The following SPAG7 variants were observed in gnomAD, a reference collection of about 807,000 sequenced individuals.
SPAG7 encodes the protein sperm associated antigen 7.
A neutral mutation model predicts 30.6 loss-of-function variants in SPAG7; 20 were observed. That is an observed-to-expected ratio of 0.65 (90% confidence interval 0.46 to 0.95). The LOEUF is 0.95. Ranked by LOEUF, SPAG7 falls within the 40% of genes least tolerant of loss-of-function variation. The pLI is 0.00. For missense variants in SPAG7, 276 were observed against 291.1 expected, an observed-to-expected ratio of 0.95 and a Z score of 0.38; for synonymous variants, 127 against 104.2, an observed-to-expected ratio of 1.22 and a Z score of -1.33.
intron 1 of SPAG7, chr17:4,966,396 C>G (rs1433213287): frequency 1.6e-5 from 3 of 191,452 alleles, no homozygotes; most frequent in Non-Finnish European, 2.9e-5. Flanking sequence ...AACCCTGCCA[C>G]TTACCAAACT....
intron 1 of SPAG7, among the ~76,000 whole-genome samples, chr17:4,962,670 G>A (rs1309518049): frequency 6.6e-6 from 1 of 151,960 alleles, no homozygotes; most frequent in Non-Finnish European, 1.5e-5. Context: ...TTTTGAGACG[G>A]AGTCTCACTC....
In SPAG7 at chr17:4,960,002, G is replaced by A. The variant is rs931648355; in HGVS notation, c.417+20C>T. ...AGGTGGTGGGCTTCTGGACCCCAAG[G>A]GCTGCAAAGCATAGCTCACCTTCAG... On this transcript the variant is annotated intron_variant, in intron 5 of 6. Transcript: ENST00000206020. 4.3e-6 allele frequency: 7 copies of A among 1,613,844 alleles called. No individual in the cohort carries two copies. Among genetic ancestry groups the A allele is most frequent in the South Asian group, 3.3e-5 (3 of 91,088 alleles).
chr17:4,966,898 C>G (rs111769233), intron 1 of SPAG7: 1 of 985,378 alleles, frequency 1.0e-6, no homozygotes, highest in African/African-American at 1.7e-5. Flanking sequence ...CAGGGCTCGT[C>G]CGTGGTCAAG....
chr17:4,967,682 C>T (rs1467768148), intron 1 of SPAG7, 38 bp downstream of exon 1: 9 of 1,507,936 alleles, frequency 6.0e-6, no homozygotes, highest in South Asian at 2.3e-5. Context: ...TCCCGAGAAC[C>T]GGGCGAAGGA....
chr17:4,964,852 C>T (rs1016600036), intron 1 of SPAG7, among the ~76,000 whole-genome samples: 3 of 152,150 alleles, frequency 2.0e-5, no homozygotes, highest in African/African-American at 2.4e-5. Context: ...TCTCATGCCT[C>T]AGCCTCCCGA....
chr17:4,967,419 C>A (rs955684347), intron 1 of SPAG7, among the ~76,000 whole-genome samples: 3 of 152,206 alleles, frequency 2.0e-5, no homozygotes, highest in Non-Finnish European at 2.9e-5. Flanking sequence ...AGGTTGGAGG[C>A]ACCCTACCAA....
Position 4,959,820 on chromosome 17 carries a change from C to T in SPAG7, c.514G>A (p.Gly172Ser), listed in dbSNP as rs777855184. 4.3e-6 allele frequency: 7 copies of T among 1,614,162 alleles called. No individual in the cohort carries two copies. Among genetic ancestry groups the T allele is most frequent in the South Asian group, 1.1e-5 (1 of 91,088 alleles). The change falls in exon 6 of 7, where the codon GGC becomes AGC. Residue 172 changes from glycine (G) to serine (S), a missense_variant. By Grantham distance (56) the Gly-to-Ser change is moderately conservative (BLOSUM62 0). Transcript: ENST00000206020. Reference protein sequence around the residue: ...DYKDKYSHLIGKGAAKDAAHM... With the variant: ...DYKDKYSHLISKGAAKDAAHM... ...GCTGCGTCTTTGGCTGCTCCCTTGC[C>T]GATGAGGTGGCTGTACTTGTCCTTG...
At chr17:4,964,122 C>T (rs1971908051) in intron 1 of SPAG7, among the ~76,000 whole-genome samples, 1 of 152,044 alleles carries the variant, frequency 6.6e-6, no homozygotes, top group Non-Finnish European at 1.5e-5. Context: ...TGAGTCCCCT[C>T]GCCTGGCTAA....
intron 1 of SPAG7, among the ~76,000 whole-genome samples, chr17:4,964,562 C>T (rs921064715): frequency 2.6e-5 from 4 of 151,674 alleles, no homozygotes; most frequent in African/African-American, 4.8e-5. Flanking sequence ...AAGGTTTCAC[C>T]GTTTTAGCCA....
At chr17:4,962,056 A>C (rs1971872655) in intron 1 of SPAG7, among the ~76,000 whole-genome samples, 1 of 152,206 alleles carries the variant, frequency 6.6e-6, no homozygotes, top group African/African-American at 2.4e-5. Flanking sequence ...GACAAAGATC[A>C]GAATAATGCT....
At chr17:4,967,637 AGGAG>A in intron 1 of SPAG7, 79 bp downstream of exon 1, 2 of 1,065,164 alleles carry the variant, frequency 1.9e-6, no homozygotes, top group Non-Finnish European at 2.9e-6. Context: ...TTCAAGGTTG[AGGAG>A]GCGGCATCGT....
intron 1 of SPAG7, among the ~76,000 whole-genome samples, chr17:4,961,731 C>G (rs1971866632): frequency 1.4e-5 from 2 of 143,784 alleles, no homozygotes; most frequent in Admixed American, 7.2e-5. Flanking sequence ...CGCCACTGCA[C>G]TCCAGCCTGG....
intron 1 of SPAG7, among the ~76,000 whole-genome samples, chr17:4,967,363 A>C (rs1393651856): frequency 6.6e-6 from 1 of 152,152 alleles, no homozygotes; most frequent in South Asian, 2.1e-4. Context: ...GCGTGTCCTA[A>C]ATCCAATCGA....
At chr17:4,965,105 T>C (rs1448833257) in intron 1 of SPAG7, among the ~76,000 whole-genome samples, 3 of 152,242 alleles carry the variant, frequency 2.0e-5, no homozygotes, top group African/African-American at 7.2e-5. Context: ...AGATGGGCTT[T>C]CTTCTCCATG....
Position 4,960,767 on chromosome 17 carries a change from T to C in SPAG7, c.153+19A>G, listed in dbSNP as rs760597554. The C allele has an allele frequency of 1.2e-6, 2 of 1,610,174 alleles. No homozygotes were observed. Among genetic ancestry groups the C allele is most frequent in the South Asian group, 2.2e-5 (2 of 90,990 alleles). ...AAGTCCTTCCTGAGTCTGCCTTTGA[T>C]CACTCCAGTTGTTCTCACCCTTTTA... On this transcript the variant is annotated intron_variant, in intron 2 of 6. Transcript: ENST00000206020.
chr17:4,964,913 C>A (rs1199620094), intron 1 of SPAG7, among the ~76,000 whole-genome samples: 4 of 129,646 alleles, frequency 3.1e-5, no homozygotes, highest in African/African-American at 1.2e-4. Context: ...TTTTTTTTTT[C>A]TTTTTCTTTT....
chr17:4,961,218 A>G (rs1388448236), intron 1 of SPAG7, among the ~76,000 whole-genome samples: 1 of 152,218 alleles, frequency 6.6e-6, no homozygotes, highest in East Asian at 1.9e-4. Context: ...GCACTTTGGG[A>G]GGCCGAGGCA....
intron 1 of SPAG7, among the ~76,000 whole-genome samples, chr17:4,967,437 A>G (rs888815743): frequency 3.9e-5 from 6 of 152,244 alleles, no homozygotes; most frequent in African/African-American, 1.2e-4. Flanking sequence ...CAATCAGACC[A>G]GGTCAGCAGC....
intron 1 of SPAG7, among the ~76,000 whole-genome samples, chr17:4,962,034 T>C (rs1416610128): frequency 1.3e-5 from 2 of 152,124 alleles, no homozygotes; most frequent in Admixed American, 6.6e-5. Context: ...GAGCTCCCAG[T>C]TTAGTGGGAG....
Sources: gnomAD v4.1 joint callset for allele counts (sites outside exome capture counted in the v4.1 genomes callset) on GRCh38, gnomAD v4.1.1 for gene constraint, MANE v1.5 for transcripts, NCBI Gene and HGNC (gene_info 2026-07-23, HGNC 2026-07-21) for gene names.